Variants in FBN2 observed in about 807,000 individuals in gnomAD.
The protein encoded by FBN2 is fibrillin-2.
FBN2 carries 105 observed loss-of-function variants against 355.6 expected under a neutral mutation model. That is an observed-to-expected ratio of 0.30 (90% CI 0.25 to 0.35). The LOEUF (loss-of-function observed/expected upper bound fraction) is 0.35, where lower values mean the gene tolerates loss of function less well. Ranked by LOEUF, FBN2 falls within the 10% of genes least tolerant of loss-of-function variation. FBN2 has a pLI of 1.00. For missense variants in FBN2, 3,280 were observed against 3,758.7 expected (o/e 0.87, Z 3.33); for synonymous variants, 1,350 against 1,301.2 (o/e 1.04, Z -0.81).
Position 128,278,769 on chromosome 5 carries a change from A to T in FBN2, c.7211T>A (p.Leu2404His). Residue 2404 changes from leucine (L) to histidine (H), a missense_variant, in exon 57 of 65, where the codon CTC becomes CAC. This residue lies in a region of FBN2 where 2,284 missense variants were observed against 2,749.5 expected (regional missense o/e 0.83). Coordinates refer to ENST00000262464, the MANE Select transcript of FBN2 (RefSeq NM_001999.4). ...ICQMASSSRN[L>H]VTKSECCCDG... ...ACAGCAGCATTCTGACTTAGTGACGAGATTGCGACTACTGGATGCCATTTG... is the reference window on the plus strand; with the variant it reads ...ACAGCAGCATTCTGACTTAGTGACGTGATTGCGACTACTGGATGCCATTTG... The T allele has an allele frequency of 6.2e-7, 1 of 1,614,132 alleles. No individual in the cohort carries two copies. Among genetic ancestry groups the T allele is most frequent in the African/African-American group, 1.3e-5 (1 of 75,036 alleles).
intron 6 of FBN2, among the ~76,000 whole-genome samples, chr5:128,454,215 T>A (rs1303645377): frequency 6.6e-6 from 1 of 152,240 alleles, no homozygotes; most frequent in African/African-American, 2.4e-5. Context: ...TGCTCATCAC[T>A]GGTTTTGTTC....
At chr5:128,459,843 C>A (rs1159067354) in intron 6 of FBN2, among the ~76,000 whole-genome samples, 1 of 152,042 alleles carries the variant, frequency 6.6e-6, no homozygotes, top group Non-Finnish European at 1.5e-5. Context: ...TATGGCAAAC[C>A]CACAGGCAAT....
intron 55 of FBN2, among the ~76,000 whole-genome samples, chr5:128,286,247 T>C (rs1749142194): frequency 6.6e-6 from 1 of 152,222 alleles, no homozygotes. Context: ...TTGTTGTATA[T>C]ATAATTTTTT....
rs543257134 is a variant in FBN2 at position 128,286,640 on chromosome 5, G to GATGATGTGGGAGTAGTGCC, written c.7012+59_7012+77dup. The GATGATGTGGGAGTAGTGCC allele has an allele frequency of 2.9e-5, 45 of 1,540,136 alleles. 1 individual carries two copies. The South Asian group carries it at 4.4e-4, about 15-fold the overall frequency. Reference sequence around the variant, plus strand: ...GGAAAAAGAGTTGGCTTGCAGTTAAGATGATGTGGGAGTAGTGCCATTAAT... The same window carrying GATGATGTGGGAGTAGTGCC: ...GGAAAAAGAGTTGGCTTGCAGTTAAGATGATGTGGGAGTAGTGCCATGATGTGGGAGTAGTGCCATTAAT... On this transcript the variant is annotated intron_variant, in intron 55 of 64. Coordinates refer to ENST00000262464, the MANE Select transcript of FBN2 (RefSeq NM_001999.4).
chr5:128,474,160 TCCCAAGAGCAAAACCAATTAAC>T (rs1754948417), intron 5 of FBN2, among the ~76,000 whole-genome samples: 1 of 152,110 alleles, frequency 6.6e-6, no homozygotes, highest in African/African-American at 2.4e-5. Flanking sequence ...AAGTGCACTC[TCCCAAGAGCAAAACCAATTAAC>T]TTACTTTAAG....
chr5:128,527,371 T>G (rs1219134092), intron 4 of FBN2, among the ~76,000 whole-genome samples: 3 of 152,158 alleles, frequency 2.0e-5, no homozygotes, highest in Non-Finnish European at 4.4e-5. Flanking sequence ...TAAAAATCAT[T>G]TCATCACCCT....
At chr5:128,525,352 T>C (rs990500812) in intron 4 of FBN2, among the ~76,000 whole-genome samples, 2 of 152,134 alleles carry the variant, frequency 1.3e-5, no homozygotes, top group African/African-American at 4.8e-5. Flanking sequence ...AAAATATATA[T>C]CAATCTATCT....
In FBN2 at chr5:128,264,657, A is replaced by T. The variant is rs141700144; in HGVS notation, c.7961-1001T>A. Among the ~76,000 whole-genome samples, 253 of 152,320 alleles carry T rather than the reference A, an allele frequency of 1.7e-3. 6 individuals carry two copies. The highest frequency in any genetic ancestry group is 5.9e-3 in the African/African-American group (246 of 41,580). On this transcript the variant is annotated intron_variant, in intron 62 of 64. Coordinates refer to ENST00000262464, the MANE Select transcript of FBN2 (RefSeq NM_001999.4). ...AAATTTCACCCTGGGAACAAATCACATCTGTTCCATGGAATTCTTTCAATT... is the reference window on the plus strand; with the variant it reads ...AAATTTCACCCTGGGAACAAATCACTTCTGTTCCATGGAATTCTTTCAATT...
At chr5:128,532,953 C>T (rs549801982) in intron 2 of FBN2, among the ~76,000 whole-genome samples, 1 of 152,248 alleles carries the variant, frequency 6.6e-6, no homozygotes, top group Admixed American at 6.5e-5. Context: ...GGTCAGAATG[C>T]AGCTTGAGCC....
chr5:128,524,168 T>C (rs1231246574), intron 4 of FBN2, among the ~76,000 whole-genome samples: 1 of 152,114 alleles, frequency 6.6e-6, no homozygotes, highest in African/African-American at 2.4e-5. Context: ...CCAAAATACA[T>C]GGAGTCTGTT....
intron 53 of FBN2, 126 bp from the exon 54 acceptor site, chr5:128,287,556 G>T: frequency 3.0e-6 from 3 of 994,222 alleles, no homozygotes; most frequent in Non-Finnish European, 4.6e-6. Flanking sequence ...TACACATCTG[G>T]TACGCAGAAT....
At chr5:128,448,743 A>G (rs1754143316) in intron 6 of FBN2, among the ~76,000 whole-genome samples, 1 of 152,112 alleles carries the variant, frequency 6.6e-6, no homozygotes, top group African/African-American at 2.4e-5. Context: ...TCATTTCTCT[A>G]ATTACTAGCT....
chr5:128,509,245 C>A (rs1756046197), intron 5 of FBN2, among the ~76,000 whole-genome samples: 1 of 152,120 alleles, frequency 6.6e-6, no homozygotes, highest in Non-Finnish European at 1.5e-5. Flanking sequence ...AAAGTTGTCA[C>A]AGAGCTCACT....
rs73784563 is a variant in FBN2, at chr5:128,287,801, A to G, written c.6758-371T>C. Reference sequence around the variant, plus strand: ...GAAGAAACTTTCTGAGATTCCATCCAGAGGAAGGAGGGGAGGGAATCTTAG... The same window carrying G: ...GAAGAAACTTTCTGAGATTCCATCCGGAGGAAGGAGGGGAGGGAATCTTAG... On this transcript the variant is annotated intron_variant, in intron 53 of 64. Coordinates refer to ENST00000262464, the MANE Select transcript of FBN2 (RefSeq NM_001999.4). Among the ~76,000 whole-genome samples, 834 of 152,296 alleles carry G rather than the reference A, an allele frequency of 5.5e-3. 7 individuals are homozygous for G. The highest frequency in any genetic ancestry group is 0.019 in the African/African-American group (788 of 41,582).
chr5:128,397,525 C>T (rs924522368), intron 8 of FBN2, among the ~76,000 whole-genome samples: 6 of 152,086 alleles, frequency 3.9e-5, no homozygotes, highest in South Asian at 2.1e-4. Flanking sequence ...GATTTTCAAC[C>T]GTATTTAACT....
rs1756905800 is a variant in FBN2 at position 128,537,953 on chromosome 5, A to C, written c.-350T>G. 11 of 346,336 alleles carry C rather than the reference A, an allele frequency of 3.2e-5. No individual in the cohort carries two copies. The South Asian group carries it at 6.1e-4, about 19-fold the overall frequency. The allele number at this position is 346,336 out of a possible 1,614,324, so 21.5% of individuals were successfully genotyped here. On this transcript the variant is annotated 5_prime_UTR_variant, in exon 1 of 65. Transcript: ENST00000262464. ...GAAATTACAAAAGCCCTGGCGTAAA[A>C]TTTCAAAAAATGTGAACCTCAAAAG...
At chr5:128,318,357 G>C in intron 35 of FBN2, 86 bp from the exon 36 acceptor site, 1 of 1,368,834 alleles carries the variant, frequency 7.3e-7, no homozygotes, top group Non-Finnish European at 1.0e-6. Context: ...TGGAATTTTT[G>C]CAAGTGAGTA....
chr5:128,393,174 C>T lies in FBN2; in HGVS notation c.1426G>A (p.Val476Met). The T allele has an allele frequency of 1.2e-6, 2 of 1,614,190 alleles. No homozygotes were observed. Among genetic ancestry groups the T allele is most frequent in the Middle Eastern group, 1.6e-4 (1 of 6,062 alleles). ...ATAGGTCCCTGTCCCCCGGCCCCCACACCGGCTCCCCCAACGCCAGGAGAA... is the reference window on the plus strand; with the variant it reads ...ATAGGTCCCTGTCCCCCGGCCCCCATACCGGCTCCCCCAACGCCAGGAGAA... Reference protein sequence around the residue: ...GFSPGVGGAGVGAGGQGPIIT... With the variant: ...GFSPGVGGAGMGAGGQGPIIT... Residue 476 changes from valine (V) to methionine (M), a missense_variant, in exon 10 of 65, where the codon GTG becomes ATG. By Grantham distance (21) the Val-to-Met change is conservative (BLOSUM62 1). Coordinates refer to ENST00000262464, the MANE Select transcript of FBN2 (RefSeq NM_001999.4).
chr5:128,413,761 G>C (rs1753126435), intron 7 of FBN2, among the ~76,000 whole-genome samples: 1 of 151,928 alleles, frequency 6.6e-6, no homozygotes, highest in Non-Finnish European at 1.5e-5. Flanking sequence ...CAGAAGCTTA[G>C]TACAAATAAA....
Sources: allele counts gnomAD v4.1 joint callset (sites outside exome capture counted in the v4.1 genomes callset), GRCh38; gene constraint gnomAD v4.1.1; regional missense constraint gnomAD v4.1.1; transcripts MANE v1.5; gene names NCBI Gene and HGNC (gene_info 2026-07-23, HGNC 2026-07-21).